TSPOAP1: variants seen among roughly 807,000 people sequenced by gnomAD.
The protein encoded by TSPOAP1 is TSPO associated protein 1.
A neutral mutation model predicts 197.0 loss-of-function variants in TSPOAP1; 87 were observed. The observed-to-expected ratio is 0.44, with a 90% CI of 0.37 to 0.53. The LOEUF is 0.53. Ranked by LOEUF, TSPOAP1 falls within the 20% of genes least tolerant of loss-of-function variation. The pLI, the probability that TSPOAP1 is intolerant of heterozygous loss-of-function variation, is 0.00. For missense variants in TSPOAP1, 2,174 were observed against 2,411.3 expected (o/e 0.90, Z 2.06); for synonymous variants, 913 against 998.9 (o/e 0.91, Z 1.62).
At chr17:58,306,294 C>T (rs1027375542) in intron 26 of TSPOAP1, 48 bp downstream of exon 26, 19 of 1,507,672 alleles carry the variant, frequency 1.3e-5, no homozygotes, top group East Asian at 4.9e-5. Context: ...GCCACCCCAC[C>T]GCACACACAT....
chr17:58,311,333 G>C, intron 18 of TSPOAP1, 120 bp from the exon 19 acceptor site: 1 of 1,412,572 alleles, frequency 7.1e-7, no homozygotes. Context: ...GCCAGGTACT[G>C]TGCTAAGCCC....
At chr17:58,310,443 G>T in intron 20 of TSPOAP1, 69 bp downstream of exon 20, 2 of 1,581,680 alleles carry the variant, frequency 1.3e-6, no homozygotes, top group South Asian at 2.3e-5. Context: ...AACTGGATTT[G>T]CGCTGGCAAA....
Position 58,320,552 on chromosome 17 carries a change from T to C in TSPOAP1, c.1452A>G (p.Glu484=). The C allele has an allele frequency of 1.3e-6, 2 of 1,493,122 alleles. No homozygotes were observed. Among genetic ancestry groups the C allele is most frequent in the Non-Finnish European group, 1.8e-6 (2 of 1,122,414 alleles). 92.5% of individuals were successfully genotyped at this position (1,493,122 alleles called of 1,614,324 possible). ...QAQAEAQREH[E]GAVQLLESTL... ...CTACCTCCAGCAGCTGCACGGCTCC[T>C]TCATGTTCCCTCTGGGCTTCAGCCT... Residue 484 remains glutamate (E), a synonymous_variant, in exon 11 of 32, where the codon GAA becomes GAG. Coordinates refer to ENST00000343736, the MANE Select transcript of TSPOAP1 (RefSeq NM_004758.4).
chr17:58,316,794 T>G (rs545191921), intron 14 of TSPOAP1, among the ~76,000 whole-genome samples: 1 of 152,304 alleles, frequency 6.6e-6, no homozygotes, highest in South Asian at 2.1e-4. Context: ...GAGCCTCTAC[T>G]GCACCCGCCA....
Position 58,312,445 on chromosome 17 carries a change from A to T in TSPOAP1, c.2376T>A (p.Pro792=). 6.2e-7 allele frequency: 1 copy of T among 1,612,780 alleles called. No homozygotes were observed. Among genetic ancestry groups the T allele is most frequent in the Non-Finnish European group, 8.5e-7 (1 of 1,179,694 alleles). Residue 792 remains proline, a synonymous_variant, in exon 17 of 32, where the codon CCT becomes CCA. Coordinates refer to ENST00000343736, the MANE Select transcript of TSPOAP1 (RefSeq NM_004758.4). The part of the protein sequence containing the change: ...PEGLGEPPAV[P]YPRRLVVLKQ... ...TGAGGACCACCAGACGGCGGGGGTA[A>T]GGCACGGCAGGAGGCTCGCCCAGGC...
intron 4 of TSPOAP1, 145 bp downstream of exon 4, chr17:58,325,389 T>C (rs1275303754): frequency 9.8e-7 from 1 of 1,025,002 alleles, no homozygotes; most frequent in Non-Finnish European, 1.4e-6. Context: ...CTCTCCCACC[T>C]GGGCCGTTGC....
chr17:58,309,963 T>G lies in TSPOAP1; in HGVS notation c.3891+4A>C. 1 of 1,607,704 alleles carries G rather than the reference T, an allele frequency of 6.2e-7. No homozygotes were observed. The highest frequency in any genetic ancestry group is 8.5e-7 in the Non-Finnish European group (1 of 1,176,454). ...GGCCCAACAGCCCATCCCTACCCCG[T>G]TACCTTGGCCCCATTCTCCCTGATG... On this transcript the variant is annotated splice_donor_region_variant and intron_variant, in intron 21 of 31. Transcript: ENST00000343736. This position sits in a 1 kb window ranked among gnomAD's most constrained non-coding sequence, Gnocchi z 5.0.
chr17:58,323,220 G>C, intron 7 of TSPOAP1, 78 bp downstream of exon 7: 1 of 1,552,418 alleles, frequency 6.4e-7, no homozygotes, highest in Non-Finnish European at 8.9e-7. Flanking sequence ...GGTGGGAGCA[G>C]AGCTGAGAGG....
chr17:58,306,560 C>T, intron 25 of TSPOAP1, 147 bp from the exon 26 acceptor site: 2 of 970,010 alleles, frequency 2.1e-6, no homozygotes, highest in East Asian at 2.6e-5. Flanking sequence ...GAGCCCCACC[C>T]AACCTCCAGG....
rs1269196850 is a variant in TSPOAP1 at position 58,323,217 on chromosome 17, G to A, written c.1104+81C>T. ...GTTCTTGAGGGCAGCAGGGGTGGGA[G>A]CAGAGCTGAGAGGGAGCCCACCACC... On this transcript the variant is annotated intron_variant, in intron 7 of 31. Coordinates refer to ENST00000343736, the MANE Select transcript of TSPOAP1 (RefSeq NM_004758.4). The A allele has an allele frequency of 8.4e-6, 13 of 1,538,918 alleles. No individual in the cohort carries two copies. In the East Asian group the frequency reaches 2.5e-4, roughly 29 times the overall value.
intron 5 of TSPOAP1, 31 bp from the exon 6 acceptor site, chr17:58,323,576 C>T: frequency 6.2e-7 from 1 of 1,607,566 alleles, no homozygotes; most frequent in Non-Finnish European, 8.5e-7. Context: ...GGGGCTGGCA[C>T]CTGAGAACAG....
chr17:58,305,664 G>T, intron 27 of TSPOAP1, 21 bp from the exon 28 acceptor site: 1 of 1,385,718 alleles, frequency 7.2e-7, no homozygotes, highest in Non-Finnish European at 9.9e-7. Flanking sequence ...AGTAGGAGAA[G>T]ACTCTGGACT....
At chr17:58,307,509 T>C (rs536670104) in intron 24 of TSPOAP1, 102 bp downstream of exon 24, 9 of 1,443,222 alleles carry the variant, frequency 6.2e-6, no homozygotes, top group African/African-American at 2.8e-5. Context: ...AGAAGCCATG[T>C]TCTCCACCAT....
rs1971060633 is a variant in TSPOAP1, at chr17:58,310,944, C to T, written c.3351G>A (p.Gln1117=). 3 of 1,575,272 alleles carry T rather than the reference C, an allele frequency of 1.9e-6. No individual in the cohort carries two copies. The highest frequency in any genetic ancestry group is 1.2e-5 in the South Asian group (1 of 85,796). The stretch of plus-strand genomic sequence containing the variant: ...CTTGAGTTCCAAGGGGAGCAGGGTG[C>T]TGGAGAGGAGAGCTGGGGTCTCCAG... ...PGPGDPSSPL[Q]HPAPLGTQEP... is the part of the protein sequence containing the mutation. The change falls in exon 19 of 32, where the codon CAG becomes CAA. Residue 1117 remains glutamine (Q), a synonymous_variant. Transcript: ENST00000343736.
intron 22 of TSPOAP1, among the ~76,000 whole-genome samples, chr17:58,308,250 C>T (rs574297457): frequency 6.6e-6 from 1 of 152,382 alleles, no homozygotes; most frequent in African/African-American, 2.4e-5. Context: ...GACATGGCAT[C>T]ACAGTCAGCG....
In TSPOAP1 at chr17:58,309,661, A is replaced by G. The variant is rs1201742897; in HGVS notation, c.3892-281T>C. 6.6e-6 allele frequency among the ~76,000 whole-genome samples: 1 copy of G among 152,136 alleles called. No homozygotes were observed. The highest frequency in any genetic ancestry group is 1.5e-5 in the Non-Finnish European group (1 of 68,004). On this transcript the variant is annotated intron_variant, in intron 21 of 31. Coordinates refer to ENST00000343736, the MANE Select transcript of TSPOAP1 (RefSeq NM_004758.4). The surrounding 1 kb of genome is among the most constrained non-coding windows in gnomAD (Gnocchi z 5.0). ...GGAGCATTGAGGAGCAGGCCTCCCC[A>G]TCCCCTCCCCAGAAGCTACCAGCAC... is the stretch of plus-strand genomic sequence containing the variant.
At position 58,324,746 on chromosome 17, in the gene TSPOAP1, C is replaced by G; in HGVS notation, c.942+65G>C. 2 of 1,332,234 alleles carry G rather than the reference C, an allele frequency of 1.5e-6. No homozygotes were observed. The highest frequency in any genetic ancestry group is 2.6e-5 in the East Asian group (1 of 38,390). 82.5% of individuals were successfully genotyped at this position (1,332,234 alleles called of 1,614,324 possible). ...GTTCTGAGCACGGTGCAGGGGAGAT[C>G]CCGGTGGTCGTTCCCCCCACCCATC... On this transcript the variant is annotated intron_variant, in intron 5 of 31. Coordinates refer to ENST00000343736, the MANE Select transcript of TSPOAP1 (RefSeq NM_004758.4). This position sits in a 1 kb window ranked among gnomAD's most constrained non-coding sequence, Gnocchi z 5.8.
At chr17:58,305,357 A>G (rs766094721) in intron 29 of TSPOAP1, 30 bp downstream of exon 29, 2 of 1,611,922 alleles carry the variant, frequency 1.2e-6, no homozygotes, top group South Asian at 2.2e-5. Flanking sequence ...GGGCTGGGAT[A>G]TGGTACACCC....
Position 58,325,725 on chromosome 17 carries a change from AG to A in TSPOAP1, c.571-13del. 6 of 1,596,836 alleles carry A rather than the reference AG, an allele frequency of 3.8e-6. No homozygotes were observed. ...AAGGGGGCACTCACCTAGCCAGAGG[AG>A]GGGTAAGGCCAATGGTCACCTGAGG... On this transcript the variant is annotated splice_polypyrimidine_tract_variant and intron_variant, in intron 3 of 31. Coordinates refer to ENST00000343736, the MANE Select transcript of TSPOAP1 (RefSeq NM_004758.4).
Sources: gnomAD v4.1 joint callset for allele counts (sites outside exome capture counted in the v4.1 genomes callset) on GRCh38, gnomAD v4.1.1 for gene constraint, Gnocchi (gnomAD v3.1) non-coding constraint, MANE v1.5 for transcripts, NCBI Gene and HGNC (gene_info 2026-07-23, HGNC 2026-07-21) for gene names.